The following KALRN variants were observed in gnomAD, a reference collection of about 807,000 sequenced individuals.
KALRN encodes kalirin.
KALRN carries 70 observed loss-of-function variants against 353.7 expected under a neutral mutation model. The observed-to-expected ratio is 0.20, with a 90% CI of 0.16 to 0.24. The LOEUF is 0.24. Ranked by LOEUF, KALRN falls within the 10% of genes least tolerant of loss-of-function variation. The pLI is 1.00. For synonymous variants in KALRN, 1,391 were observed against 1,434.8 expected, an observed-to-expected ratio of 0.97 and a Z score of 0.69; for missense variants, 2,791 against 3,756.7, an observed-to-expected ratio of 0.74 and a Z score of 6.72.
intron 3 of KALRN, among the ~76,000 whole-genome samples, chr3:124,236,563 G>A (rs570703672): frequency 1.3e-5 from 2 of 152,300 alleles, no homozygotes; most frequent in East Asian, 1.9e-4. Context: ...AAGACACAAA[G>A]GGTAAATTTT....
intron 34 of KALRN, among the ~76,000 whole-genome samples, chr3:124,625,397 A>G (rs1346881024): frequency 6.6e-6 from 1 of 152,204 alleles, no homozygotes; most frequent in East Asian, 1.9e-4. Flanking sequence ...TGACAGTTCC[A>G]CAACATCCAA....
At chr3:124,461,108 G>A (rs142497418) in intron 23 of KALRN, among the ~76,000 whole-genome samples, 345 of 151,940 alleles carry the variant, frequency 2.3e-3, no homozygotes, top group African/African-American at 8.2e-3. Context: ...TATTTCATAT[G>A]GTCTATAAAC....
chr3:124,615,574 G>A (rs1278136659), intron 34 of KALRN, among the ~76,000 whole-genome samples: 1 of 152,178 alleles, frequency 6.6e-6, no homozygotes, highest in Non-Finnish European at 1.5e-5. Context: ...TAACATTGGA[G>A]GAATCTGAGT....
intron 1 of KALRN, among the ~76,000 whole-genome samples, chr3:124,123,758 G>A (rs536357901): frequency 3.9e-5 from 6 of 152,148 alleles, no homozygotes; most frequent in Admixed American, 6.5e-5. Flanking sequence ...ACTTTAAGTT[G>A]AACCCAATGC....
At chr3:124,288,884 A>G (rs1445859964) in intron 5 of KALRN, among the ~76,000 whole-genome samples, 1 of 152,208 alleles carries the variant, frequency 6.6e-6, no homozygotes, top group African/African-American at 2.4e-5. Flanking sequence ...GGCAGGAAAA[A>G]TTAGTAGTTT....
chr3:124,045,757 G>T (rs1171029313), intron 1 of KALRN, among the ~76,000 whole-genome samples: 1 of 151,256 alleles, frequency 6.6e-6, no homozygotes, highest in Admixed American at 6.6e-5. Flanking sequence ...AATGGGGGGG[G>T]GGGGGTTGCC....
intron 38 of KALRN, among the ~76,000 whole-genome samples, chr3:124,652,989 C>T (rs745368421): frequency 1.3e-5 from 2 of 152,214 alleles, no homozygotes; most frequent in Non-Finnish European, 2.9e-5. Context: ...CCACTTTACG[C>T]ATCTCTTCTC....
intron 1 of KALRN, among the ~76,000 whole-genome samples, chr3:124,128,121 A>G (rs2064890887): frequency 6.6e-6 from 1 of 152,126 alleles, no homozygotes; most frequent in Admixed American, 6.5e-5. Flanking sequence ...TGGCAGGTGT[A>G]TGGTAGGTGC....
chr3:124,388,483 G>A (rs1188470360), intron 11 of KALRN, among the ~76,000 whole-genome samples: 1 of 152,134 alleles, frequency 6.6e-6, no homozygotes. Context: ...GGCATTAGAT[G>A]TGTAGCTAGA....
chr3:124,603,918 C>A (rs1027257365), intron 34 of KALRN, among the ~76,000 whole-genome samples: 2 of 151,964 alleles, frequency 1.3e-5, no homozygotes, highest in African/African-American at 4.8e-5. Flanking sequence ...TCAGATGGAG[C>A]CTGGTGATCT....
chr3:124,515,275 T>G (rs537239552), intron 33 of KALRN, among the ~76,000 whole-genome samples: 12 of 151,736 alleles, frequency 7.9e-5, no homozygotes, highest in African/African-American at 2.7e-4. Flanking sequence ...TATGAAGGAG[T>G]CTGTACATGA....
At chr3:124,706,923 C>T (rs1436398805) in intron 57 of KALRN, among the ~76,000 whole-genome samples, 3 of 152,102 alleles carry the variant, frequency 2.0e-5, no homozygotes, top group Non-Finnish European at 4.4e-5. Context: ...CCCAATGCCA[C>T]CCAAGATAGA....
rs2063070055 is a variant in KALRN at position 124,490,726 on chromosome 3, T to C, written c.4429T>C (p.Leu1477=). The C allele has an allele frequency of 6.2e-7, 1 of 1,612,874 alleles. No homozygotes were observed. The change falls in exon 30 of 60, where the codon TTG becomes CTG. Residue 1477 remains leucine, a synonymous_variant. Coordinates refer to ENST00000682506, the MANE Select transcript of KALRN (RefSeq NM_001388419.1). ...FDENLDVQGE[L]ILQDAFQVWD... is the part of the protein sequence containing the mutation. ...CGAGAACCTGGATGTGCAGGGGGAG[T>C]TGATTCTCCAGGATGCCTTTCAAGT...
intron 1 of KALRN, among the ~76,000 whole-genome samples, chr3:124,118,839 A>G (rs1412317500): frequency 1.3e-5 from 2 of 152,232 alleles, no homozygotes; most frequent in African/African-American, 4.8e-5. Flanking sequence ...TTTATAAAGC[A>G]TGTCCACCAT....
intron 9 of KALRN, among the ~76,000 whole-genome samples, chr3:124,343,947 T>C (rs1344549310): frequency 1.3e-5 from 2 of 152,340 alleles, no homozygotes; most frequent in South Asian, 2.1e-4. Flanking sequence ...TGAATACTTA[T>C]ATACCCACAC....
At chr3:124,332,920 C>T (rs968376152) in intron 8 of KALRN, among the ~76,000 whole-genome samples, 5 of 152,058 alleles carry the variant, frequency 3.3e-5, no homozygotes, top group Non-Finnish European at 7.4e-5. Flanking sequence ...TTAGTCTGTT[C>T]TCATGCCGCT....
At chr3:124,067,774 G>A (rs2042497385) in intron 1 of KALRN, among the ~76,000 whole-genome samples, 2 of 152,228 alleles carry the variant, frequency 1.3e-5, no homozygotes, top group African/African-American at 2.4e-5. Context: ...GAGAGGCTCT[G>A]GGGCAGCTAT....
At chr3:124,381,931 G>A (rs912842050) in intron 10 of KALRN, among the ~76,000 whole-genome samples, 2 of 152,120 alleles carry the variant, frequency 1.3e-5, no homozygotes, top group Non-Finnish European at 2.9e-5. Flanking sequence ...AAGAAGACAG[G>A]CTTGGCTATG....
At chr3:124,480,741 T>TCTA (rs1223132625) in intron 27 of KALRN, among the ~76,000 whole-genome samples, 1 of 152,146 alleles carries the variant, frequency 6.6e-6, no homozygotes, top group African/African-American at 2.4e-5. Flanking sequence ...CAACCAATGA[T>TCTA]CTACTTTATG....
Sources: allele counts gnomAD v4.1 joint callset (sites outside exome capture counted in the v4.1 genomes callset), GRCh38; gene constraint gnomAD v4.1.1; transcripts MANE v1.5; gene names NCBI Gene and HGNC (gene_info 2026-07-23, HGNC 2026-07-21).